Variants in NDC80 observed in about 807,000 individuals in gnomAD.
NDC80 encodes kinetochore protein NDC80 homolog.
In NDC80, 69 loss-of-function variants were observed where a neutral mutation model predicts 89.3. The observed-to-expected ratio is 0.77, with a 90% CI of 0.64 to 0.94. The LOEUF (loss-of-function observed/expected upper bound fraction) is 0.94, where lower values mean the gene tolerates loss of function less well. NDC80 is among the 40% of genes least tolerant of loss of function. The pLI is 0.00. For synonymous variants in NDC80, 243 were observed against 255.6 expected (o/e 0.95, Z 0.47); for missense variants, 593 against 739.6 (o/e 0.80, Z 2.30).
At chr18:2,593,199 T>C (rs555403981) in intron 10 of NDC80, among the ~76,000 whole-genome samples, 1 of 152,042 alleles carries the variant, frequency 6.6e-6, no homozygotes, top group South Asian at 2.1e-4. Context: ...GGACCACAGA[T>C]GTGTGCCACC....
At chr18:2,592,445 T>G (rs2072632513) in intron 10 of NDC80, among the ~76,000 whole-genome samples, 2 of 151,086 alleles carry the variant, frequency 1.3e-5, no homozygotes, top group African/African-American at 4.9e-5. Flanking sequence ...AACCCTCGCC[T>G]CCGGGGTTCA....
At chr18:2,597,735 A>G (rs1380279465) in intron 11 of NDC80, among the ~76,000 whole-genome samples, 1 of 152,102 alleles carries the variant, frequency 6.6e-6, no homozygotes, top group African/African-American at 2.4e-5. Context: ...TGTCTAAAAA[A>G]AAAAAAATAA....
intron 10 of NDC80, chr18:2,594,191 G>T (rs567925659): frequency 6.5e-6 from 1 of 154,202 alleles, no homozygotes; most frequent in Admixed American, 6.5e-5. Flanking sequence ...CACCGCACCT[G>T]GCCATTGAAG....
At chr18:2,572,773 A>G (rs532643966) in intron 1 of NDC80, among the ~76,000 whole-genome samples, 16 of 152,206 alleles carry the variant, frequency 1.1e-4, no homozygotes, top group Non-Finnish European at 2.1e-4. Flanking sequence ...TTTATGTTGA[A>G]TATTTTTAAA....
intron 16 of NDC80, among the ~76,000 whole-genome samples, chr18:2,612,232 A>G (rs994412286): frequency 2.0e-5 from 3 of 149,344 alleles, no homozygotes; most frequent in Non-Finnish European, 1.5e-5. Context: ...CAGTTGTGCT[A>G]AACAGTTGTG....
chr18:2,579,656 A>C (rs2072566230), intron 6 of NDC80, among the ~76,000 whole-genome samples: 1 of 152,014 alleles, frequency 6.6e-6, no homozygotes, highest in African/African-American at 2.4e-5. Flanking sequence ...CAAACTCCTG[A>C]CCTCAGGTGA....
Position 2,613,442 on chromosome 18 carries a change from A to T in NDC80, c.1791+2581A>T, listed in dbSNP as rs188206616. ...ATTGTAGTATTGATGCAGAAAGACC[A>T]GTCTCTGTGATTAAGAGTACAGAAA... On this transcript the variant is annotated intron_variant, in intron 16 of 16. Coordinates refer to ENST00000261597, the MANE Select transcript of NDC80 (RefSeq NM_006101.3). 9.8e-5 allele frequency among the ~76,000 whole-genome samples: 15 copies of T among 152,342 alleles called. No homozygotes were observed. The East Asian group carries it at 2.9e-3, about 29-fold the overall frequency.
chr18:2,596,094 G>T (rs1479729180), intron 11 of NDC80, among the ~76,000 whole-genome samples: 7 of 152,270 alleles, frequency 4.6e-5, no homozygotes, highest in African/African-American at 1.7e-4. Context: ...GGTGTACAGG[G>T]TACTGAGGAA....
intron 6 of NDC80, among the ~76,000 whole-genome samples, chr18:2,580,240 G>A (rs559658176): frequency 7.6e-4 from 115 of 150,564 alleles, no homozygotes; most frequent in African/African-American, 2.6e-3. Flanking sequence ...TTTTTTTTGT[G>A]TTGATTTGCA....
chr18:2,577,927 T>G, intron 4 of NDC80, 42 bp from the exon 5 acceptor site: 1 of 1,609,278 alleles, frequency 6.2e-7, no homozygotes, highest in Admixed American at 1.7e-5. Context: ...TCCAATAATT[T>G]TCCATTACAA....
intron 10 of NDC80, among the ~76,000 whole-genome samples, chr18:2,592,584 C>T (rs1208001528): frequency 6.6e-6 from 1 of 152,022 alleles, no homozygotes; most frequent in Non-Finnish European, 1.5e-5. Flanking sequence ...GTCTCAAACT[C>T]CTGACCTCAG....
intron 3 of NDC80, chr18:2,577,134 T>A: frequency 6.6e-6 from 1 of 152,182 alleles, no homozygotes. Flanking sequence ...GGCCAGACAT[T>A]GTTTTAAGTG....
intron 14 of NDC80, among the ~76,000 whole-genome samples, chr18:2,607,230 G>T (rs2072716688): frequency 6.6e-6 from 1 of 152,052 alleles, no homozygotes; most frequent in Admixed American, 6.6e-5. Flanking sequence ...TAAGACATTG[G>T]TAATCATTTT....
At chr18:2,579,540 G>GC (rs2072565596) in intron 6 of NDC80, among the ~76,000 whole-genome samples, 1 of 152,100 alleles carries the variant, frequency 6.6e-6, no homozygotes, top group Admixed American at 6.6e-5. Flanking sequence ...AAATTCTCCT[G>GC]CCTCAGCCTC....
In NDC80 at chr18:2,616,299, G is replaced by T. The variant is rs555917956; in HGVS notation, c.1792-138G>T. ...CTCAGCCTCATAAAGTGCTGGGATT[G>T]CAGGAGTGAGCCACCATGCCCGGCC... On this transcript the variant is annotated intron_variant, in intron 16 of 16. Transcript: ENST00000261597. The T allele has an allele frequency of 3.4e-4, 164 of 484,842 alleles. 1 individual carries two copies. Among genetic ancestry groups the T allele is most frequent in the Non-Finnish European group, 5.6e-4 (159 of 284,440 alleles). The allele number at this position is 484,842 out of a possible 1,614,324, so 30.0% of individuals were successfully genotyped here. A position where few individuals can be genotyped will look rare whatever the true frequency, so the allele number is the denominator to read the frequency against.
chr18:2,614,566 AAAGAAAGAAAG>A, intron 16 of NDC80: 1 of 2,124 alleles, frequency 4.7e-4, no homozygotes, highest in South Asian at 0.018. Context: ...GAAGGAAGGG[AAAGAAAGAAAG>A]AAAGAAAGAA....
chr18:2,613,430 T>C (rs2072755770), intron 16 of NDC80, among the ~76,000 whole-genome samples: 1 of 152,232 alleles, frequency 6.6e-6, no homozygotes, highest in African/African-American at 2.4e-5. Context: ...GTAGTATTGA[T>C]GCAGAAAGAC....
At chr18:2,606,103 A>C (rs982094962) in intron 13 of NDC80, among the ~76,000 whole-genome samples, 2 of 151,464 alleles carry the variant, frequency 1.3e-5, no homozygotes, top group South Asian at 4.1e-4. Flanking sequence ...TCCAGAGGCA[A>C]AAATTATTTA....
At chr18:2,612,871 A>G (rs2072752776) in intron 16 of NDC80, among the ~76,000 whole-genome samples, 1 of 152,276 alleles carries the variant, frequency 6.6e-6, no homozygotes, top group Non-Finnish European at 1.5e-5. Context: ...TTCATAAAAT[A>G]TGGAAGAACC....
Sources: allele counts gnomAD v4.1 joint callset (sites outside exome capture counted in the v4.1 genomes callset), GRCh38; gene constraint gnomAD v4.1.1; transcripts MANE v1.5; gene names NCBI Gene and HGNC (gene_info 2026-07-23, HGNC 2026-07-21).